The following MINPP1 variants were observed in gnomAD, a reference collection of about 807,000 sequenced individuals.
MINPP1 encodes the protein multiple inositol-polyphosphate phosphatase 1.
Under a neutral mutation model 46.1 loss-of-function variants are expected in MINPP1, and 28 were observed. The observed-to-expected ratio is 0.61, with a 90% CI of 0.45 to 0.83. The LOEUF (loss-of-function observed/expected upper bound fraction) is 0.83, where lower values mean the gene tolerates loss of function less well. Among genes scored for constraint, MINPP1 ranks in the 40% least tolerant of loss-of-function variants. The pLI is 0.00. For synonymous variants in MINPP1, 268 were observed against 249.1 expected (o/e 1.08, Z -0.72); for missense variants, 603 against 610.0 (o/e 0.99, Z 0.12).
In MINPP1 at chr10:87,504,908, T is replaced by C; in HGVS notation, c.-8T>C. 7 of 1,609,500 alleles carry C rather than the reference T, an allele frequency of 4.3e-6. No homozygotes were observed. The highest frequency in any genetic ancestry group is 5.9e-6 in the Non-Finnish European group (7 of 1,179,064). Reference sequence around the variant, plus strand: ...CTGGCTCGGCGCACTCCACTGACCGTCCCGACGATGCTACGCGCGCCCGGC... The same window carrying C: ...CTGGCTCGGCGCACTCCACTGACCGCCCCGACGATGCTACGCGCGCCCGGC... On this transcript the variant is annotated 5_prime_UTR_variant, in exon 1 of 5. Coordinates refer to ENST00000371996, the MANE Select transcript of MINPP1 (RefSeq NM_004897.5).
chr10:87,513,831 T>G (rs567371868), intron 3 of MINPP1, among the ~76,000 whole-genome samples: 2 of 152,260 alleles, frequency 1.3e-5, no homozygotes, highest in South Asian at 4.1e-4. Flanking sequence ...AGGTCAGAAG[T>G]TCAAATTGAA....
At position 87,505,574 on chromosome 10, in the gene MINPP1, G is replaced by A. The variant is rs753137200; in HGVS notation, c.637+22G>A. 5 of 1,587,392 alleles carry A rather than the reference G, an allele frequency of 3.1e-6. No individual in the cohort carries two copies. In the East Asian group the frequency reaches 9.1e-5, roughly 29 times the overall value. Reference sequence around the variant, plus strand: ...GCAGGTGACCCCCCGGGCGGCCCGTGTGCTGTCCCGGTCCTCCCACCCGCC... The same window carrying A: ...GCAGGTGACCCCCCGGGCGGCCCGTATGCTGTCCCGGTCCTCCCACCCGCC... On this transcript the variant is annotated intron_variant, in intron 1 of 4. Coordinates refer to ENST00000371996, the MANE Select transcript of MINPP1 (RefSeq NM_004897.5). This position sits in a 1 kb window ranked among gnomAD's most constrained non-coding sequence, Gnocchi z 4.4.
intron 4 of MINPP1, among the ~76,000 whole-genome samples, chr10:87,550,216 A>C (rs1851943486): frequency 6.6e-6 from 1 of 152,208 alleles, no homozygotes; most frequent in Non-Finnish European, 1.5e-5. Flanking sequence ...ACTGATAAGT[A>C]ATGTAAAATT....
intron 4 of MINPP1, among the ~76,000 whole-genome samples, chr10:87,540,495 T>TCA (rs3062345): frequency 0.012 from 1,771 of 149,148 alleles, 24 homozygotes; most frequent in East Asian, 0.072. Flanking sequence ...TCTCTCTCTG[T>TCA]CACACACACA....
At chr10:87,520,647 G>A (rs987959685) in intron 3 of MINPP1, among the ~76,000 whole-genome samples, 1 of 151,064 alleles carries the variant, frequency 6.6e-6, no homozygotes, top group African/African-American at 2.4e-5. Flanking sequence ...TCTTCTAAAT[G>A]TATCCTTGAC....
chr10:87,513,635 G>A (rs542726940), intron 3 of MINPP1, among the ~76,000 whole-genome samples: 1 of 152,186 alleles, frequency 6.6e-6, no homozygotes, highest in African/African-American at 2.4e-5. Flanking sequence ...AGTTTTCATG[G>A]GAAATTGTGT....
intron 4 of MINPP1, among the ~76,000 whole-genome samples, chr10:87,526,020 G>A (rs1395506400): frequency 6.6e-6 from 1 of 152,184 alleles, no homozygotes; most frequent in East Asian, 1.9e-4. Flanking sequence ...AAACATACAT[G>A]TGCATGTATC....
chr10:87,521,147 A>G lies in MINPP1; in HGVS notation c.1045A>G (p.Lys349Glu). 1 of 1,611,912 alleles carries G rather than the reference A, an allele frequency of 6.2e-7. No homozygotes were observed. Among genetic ancestry groups the G allele is most frequent in the Non-Finnish European group, 8.5e-7 (1 of 1,178,642 alleles). ...LFQDIFQHLD[K>E]AVEQKQRSQP... Reference sequence around the variant, plus strand: ...TCAGGATATCTTTCAGCACTTGGACAAAGCAGTTGAACAGAAACAAAGGTA... The same window carrying G: ...TCAGGATATCTTTCAGCACTTGGACGAAGCAGTTGAACAGAAACAAAGGTA... The change falls in exon 4 of 5, where the codon AAA (lysine) becomes GAA (glutamate). Residue 349 changes from lysine to glutamate, a missense_variant. Transcript: ENST00000371996.
intron 4 of MINPP1, among the ~76,000 whole-genome samples, chr10:87,537,828 G>A (rs924372500): frequency 2.6e-5 from 4 of 151,556 alleles, no homozygotes; most frequent in African/African-American, 9.7e-5. Flanking sequence ...AGAGAACAGT[G>A]GTGCGATCAT....
At chr10:87,507,608 A>G (rs982953039) in intron 1 of MINPP1, among the ~76,000 whole-genome samples, 2 of 152,234 alleles carry the variant, frequency 1.3e-5, no homozygotes, top group East Asian at 1.9e-4. Context: ...TGTTGGAGAA[A>G]TGATTGAAAA....
intron 4 of MINPP1, among the ~76,000 whole-genome samples, chr10:87,545,557 A>G (rs1044754081): frequency 4.6e-5 from 7 of 152,210 alleles, no homozygotes; most frequent in African/African-American, 1.7e-4. Context: ...AAGAAACCTT[A>G]CCTGGACATA....
At chr10:87,519,846 A>G (rs1242610235) in intron 3 of MINPP1, among the ~76,000 whole-genome samples, 2 of 152,152 alleles carry the variant, frequency 1.3e-5, no homozygotes, top group Non-Finnish European at 2.9e-5. Context: ...TTAGTTCTAG[A>G]TAGAGATTTC....
At chr10:87,528,032 TC>T (rs1296815836) in intron 4 of MINPP1, among the ~76,000 whole-genome samples, 1 of 152,224 alleles carries the variant, frequency 6.6e-6, no homozygotes, top group Admixed American at 6.5e-5. Context: ...TAGTTATATT[TC>T]TGTGGGATTG....
At chr10:87,530,045 T>G (rs1288612649) in intron 4 of MINPP1, among the ~76,000 whole-genome samples, 1 of 152,258 alleles carries the variant, frequency 6.6e-6, no homozygotes, top group African/African-American at 2.4e-5. Flanking sequence ...GCCATGGTTT[T>G]CAGCTCCATC....
intron 3 of MINPP1, among the ~76,000 whole-genome samples, chr10:87,514,742 G>T (rs1180144707): frequency 1.3e-5 from 2 of 152,066 alleles, no homozygotes; most frequent in Non-Finnish European, 2.9e-5. Flanking sequence ...TTGAGACAGT[G>T]TCTCTCTCTG....
Position 87,521,141 on chromosome 10 carries a change from T to C in MINPP1, c.1039T>C (p.Leu347=). 6.2e-7 allele frequency: 1 copy of C among 1,611,950 alleles called. No individual in the cohort carries two copies. Among genetic ancestry groups the C allele is most frequent in the Non-Finnish European group, 8.5e-7 (1 of 1,178,652 alleles). ...CTTGTTTCAGGATATCTTTCAGCAC[T>C]TGGACAAAGCAGTTGAACAGAAACA... ...CTLFQDIFQH[L]DKAVEQKQRS... is the part of the protein sequence containing the mutation. Residue 347 remains leucine, a synonymous_variant, in exon 4 of 5, where the codon TTG becomes CTG. Coordinates refer to ENST00000371996, the MANE Select transcript of MINPP1 (RefSeq NM_004897.5).
intron 4 of MINPP1, among the ~76,000 whole-genome samples, chr10:87,533,271 A>C (rs1191677071): frequency 3.3e-5 from 5 of 152,090 alleles, no homozygotes; most frequent in Non-Finnish European, 5.9e-5. Context: ...GAAAAAATGG[A>C]AGATTGCAAA....
Position 87,537,225 on chromosome 10 carries a change from C to T in MINPP1, c.1068-14857C>T, listed in dbSNP as rs375138478. On this transcript the variant is annotated intron_variant, in intron 4 of 4. Transcript: ENST00000371996. ...GTGCTGGGATTACAGGCATGAGCCA[C>T]CGTGCCCGGCCGTCTTTTTCACTTT... 2.3e-4 allele frequency among the ~76,000 whole-genome samples: 35 copies of T among 152,340 alleles called. 1 individual carries two copies. Among genetic ancestry groups the T allele is most frequent in the Middle Eastern group, 6.8e-3 (2 of 294 alleles).
At chr10:87,509,831 G>A (rs1414342230) in intron 2 of MINPP1, 3 of 197,706 alleles carry the variant, frequency 1.5e-5, no homozygotes, top group African/African-American at 2.3e-5. Flanking sequence ...TTAAATGTAT[G>A]TATTTCATTC....
Sources: gnomAD v4.1 joint callset for allele counts (sites outside exome capture counted in the v4.1 genomes callset) on GRCh38, gnomAD v4.1.1 for gene constraint, Gnocchi (gnomAD v3.1) non-coding constraint, MANE v1.5 for transcripts, NCBI Gene and HGNC (gene_info 2026-07-23, HGNC 2026-07-21) for gene names.